Variants in TENM2 observed in about 807,000 individuals in gnomAD.
TENM2 encodes teneurin transmembrane protein 2.
A neutral mutation model predicts 245.2 loss-of-function variants in TENM2; 52 were observed. That is an observed-to-expected ratio of 0.21 (90% CI 0.17 to 0.27). The LOEUF is 0.27. Ranked by LOEUF, TENM2 falls within the 10% of genes least tolerant of loss-of-function variation. The pLI is 1.00. For missense variants in TENM2, 3,046 were observed against 3,666.8 expected (o/e 0.83, Z 4.37); for synonymous variants, 1,363 against 1,438.9 (o/e 0.95, Z 1.19).
intron 2 of TENM2, among the ~76,000 whole-genome samples, chr5:167,837,836 A>G (rs556041645): frequency 6.6e-6 from 1 of 151,600 alleles, no homozygotes; most frequent in African/African-American, 2.4e-5. Flanking sequence ...TCACGCTCTT[A>G]CGCATTTGCA....
intron 3 of TENM2, among the ~76,000 whole-genome samples, chr5:167,905,409 T>G (rs1253243066): frequency 6.6e-6 from 1 of 152,280 alleles, no homozygotes; most frequent in East Asian, 1.9e-4. Context: ...TGAAGATGAT[T>G]ATGAGAAGCT....
At chr5:167,967,785 C>A (rs1781488322) in intron 4 of TENM2, among the ~76,000 whole-genome samples, 1 of 152,148 alleles carries the variant, frequency 6.6e-6, no homozygotes, top group South Asian at 2.1e-4. Context: ...TGAAAAAAGC[C>A]AAATATTTCC....
rs548177106 is a variant in TENM2 at position 167,358,034 on chromosome 5, A to G, written c.227-17164A>G. Among the ~76,000 whole-genome samples the G allele has an allele frequency of 1.4e-4, 21 of 152,364 alleles. No homozygotes were observed. In the South Asian group the frequency reaches 4.1e-3, roughly 30 times the overall value. On this transcript the variant is annotated intron_variant, in intron 1 of 28. Coordinates refer to ENST00000518659, the Ensembl canonical transcript of TENM2. Reference sequence around the variant, plus strand: ...CCACTGGTCTATTAGAGGTTGCTCCAGGAATTCTACCTGCCTGTCTCCTAA... The same window carrying G: ...CCACTGGTCTATTAGAGGTTGCTCCGGGAATTCTACCTGCCTGTCTCCTAA...
intron 2 of TENM2, among the ~76,000 whole-genome samples, chr5:167,456,963 G>C (rs530520243): frequency 2.0e-5 from 3 of 152,174 alleles, no homozygotes; most frequent in African/African-American, 7.2e-5. Context: ...AAATACAAGC[G>C]TGAGAATTTC....
At chr5:168,080,680 C>T (rs967373390) in intron 7 of TENM2, among the ~76,000 whole-genome samples, 3 of 152,066 alleles carry the variant, frequency 2.0e-5, no homozygotes, top group Non-Finnish European at 4.4e-5. Context: ...GCCTTCATTT[C>T]GTTATGTACC....
In TENM2 at chr5:167,467,516, G is replaced by GAAAA. The variant is rs10585036; in HGVS notation, c.502+92055_502+92058dup. Among the ~76,000 whole-genome samples, 158 of 145,704 alleles carry GAAAA rather than the reference G, an allele frequency of 1.1e-3. 2 individuals are homozygous for GAAAA. The highest frequency in any genetic ancestry group is 3.9e-3 in the African/African-American group (155 of 39,318). ...ATAGGTCATTATTACTCTTGTTTGA[G>GAAAA]AAAAAAAAAAAAAAACAGTAACCTT... On this transcript the variant is annotated intron_variant, in intron 2 of 28. Transcript: ENST00000518659.
At chr5:167,681,931 C>T (rs1756735972) in intron 2 of TENM2, among the ~76,000 whole-genome samples, 1 of 152,052 alleles carries the variant, frequency 6.6e-6, no homozygotes, top group Admixed American at 6.6e-5. Context: ...TACTCTTAGG[C>T]ATGTGTGTGT....
At chr5:167,925,164 G>A (rs1275096888) in intron 3 of TENM2, among the ~76,000 whole-genome samples, 1 of 152,178 alleles carries the variant, frequency 6.6e-6, no homozygotes, top group African/African-American at 2.4e-5. Flanking sequence ...GACTTGAATA[G>A]CATCATACAA....
intron 27 of TENM2, among the ~76,000 whole-genome samples, chr5:168,249,985 C>A (rs533360547): frequency 6.6e-6 from 1 of 152,184 alleles, no homozygotes; most frequent in East Asian, 1.9e-4. Context: ...ACTAGAGACA[C>A]AATGGGAGGA....
At chr5:167,051,010 T>C in the TENM2 span, among the ~76,000 whole-genome samples, 1 of 152,190 alleles carries the variant, frequency 6.6e-6, no homozygotes, top group African/African-American at 2.4e-5. Flanking sequence ...AATTCGCAAC[T>C]GGCACTTTTC....
At chr5:167,584,898 GC>G (rs1161744582) in intron 2 of TENM2, among the ~76,000 whole-genome samples, 1 of 152,060 alleles carries the variant, frequency 6.6e-6, no homozygotes, top group Non-Finnish European at 1.5e-5. Flanking sequence ...CTACACCTAA[GC>G]TTTTAAACTC....
chr5:167,083,780 T>C, the TENM2 span, among the ~76,000 whole-genome samples: 1 of 152,212 alleles, frequency 6.6e-6, no homozygotes, highest in Non-Finnish European at 1.5e-5. Flanking sequence ...GCAGTCTTTA[T>C]GGATTGCCAG....
the TENM2 span, among the ~76,000 whole-genome samples, chr5:167,088,348 C>T: frequency 2.6e-5 from 4 of 152,016 alleles, no homozygotes; most frequent in East Asian, 1.9e-4. Flanking sequence ...AGAAAGTGTT[C>T]GGGCGCGGTG....
chr5:167,681,741 G>A (rs1426056408), intron 2 of TENM2, among the ~76,000 whole-genome samples: 1 of 152,026 alleles, frequency 6.6e-6, no homozygotes, highest in South Asian at 2.1e-4. Context: ...GTACCAATTT[G>A]TTATCCCACC....
chr5:167,938,942 C>CAAA (rs57042901), intron 3 of TENM2, among the ~76,000 whole-genome samples: 1 of 105,172 alleles, frequency 9.5e-6, no homozygotes. Context: ...GACTCCGTCT[C>CAAA]AAAAAAAAAA....
the TENM2 span, among the ~76,000 whole-genome samples, chr5:167,157,970 C>T: frequency 2.0e-3 from 304 of 152,262 alleles, 2 homozygotes; most frequent in African/African-American, 6.9e-3. Context: ...CATTTCTACT[C>T]TCGTTTTGGA....
At chr5:167,890,786 T>C (rs1448911995) in intron 3 of TENM2, among the ~76,000 whole-genome samples, 4 of 152,172 alleles carry the variant, frequency 2.6e-5, no homozygotes, top group Non-Finnish European at 5.9e-5. Context: ...TCAATGATGA[T>C]GATAATGATA....
intron 3 of TENM2, among the ~76,000 whole-genome samples, chr5:167,888,388 A>G (rs1459061748): frequency 1.3e-5 from 2 of 152,210 alleles, no homozygotes; most frequent in African/African-American, 4.8e-5. Flanking sequence ...GGTGCTCAAT[A>G]AATATTAGGT....
Position 167,462,114 on chromosome 5 carries a change from C to G in TENM2, c.502+86641C>G, listed in dbSNP as rs867739657. 3.3e-5 allele frequency among the ~76,000 whole-genome samples: 5 copies of G among 150,818 alleles called. No individual in the cohort carries two copies. In the East Asian group the frequency reaches 7.8e-4, roughly 24 times the overall value. ...ACATGCATACATACATACACACATG[C>G]ACAAACCTCTTCCTTAAATTTTCTT... On this transcript the variant is annotated intron_variant, in intron 2 of 28. Coordinates refer to ENST00000518659, the Ensembl canonical transcript of TENM2.
Sources: allele counts gnomAD v4.1 joint callset (sites outside exome capture counted in the v4.1 genomes callset), GRCh38; gene constraint gnomAD v4.1.1; transcripts MANE v1.5; gene names NCBI Gene and HGNC (gene_info 2026-07-23, HGNC 2026-07-21).